RERE: variants seen among roughly 807,000 people sequenced by gnomAD.
The protein encoded by RERE is arginine-glutamic acid dipeptide repeats.
A neutral mutation model predicts 146.1 loss-of-function variants in RERE; 40 were observed. The observed-to-expected ratio is 0.27, with a 90% CI of 0.21 to 0.36. The LOEUF (loss-of-function observed/expected upper bound fraction) is 0.36, where lower values mean the gene tolerates loss of function less well. Among genes scored for constraint, RERE ranks in the 10% least tolerant of loss-of-function variants. The probability of loss-of-function intolerance (pLI) is 1.00; values close to 1 mark genes in which losing one functional copy is unlikely to be tolerated. For missense variants in RERE, 1,933 were observed against 2,138.7 expected (o/e 0.90, Z 1.90); for synonymous variants, 1,003 against 866.0 (o/e 1.16, Z -2.78).
chr1:8,738,619 A>T (rs1640246350), intron 1 of RERE, among the ~76,000 whole-genome samples: 1 of 152,144 alleles, frequency 6.6e-6, no homozygotes, highest in Non-Finnish European at 1.5e-5. Flanking sequence ...TGCCCAGCAG[A>T]CAACAGCACA....
chr1:8,788,059 C>T (rs1641290744), intron 1 of RERE, among the ~76,000 whole-genome samples: 1 of 151,954 alleles, frequency 6.6e-6, no homozygotes, highest in Admixed American at 6.6e-5. Context: ...GATGGTGCCA[C>T]TGCACTCCAG....
intron 1 of RERE, among the ~76,000 whole-genome samples, chr1:8,734,319 G>A (rs1356508502): frequency 6.6e-6 from 1 of 152,094 alleles, no homozygotes; most frequent in Non-Finnish European, 1.5e-5. Flanking sequence ...GATTTGGGGT[G>A]GGAGGAGAAG....
chr1:8,700,266 T>C lies in RERE; in HGVS notation c.-144-43825A>G, dbSNP rs541572325. On this transcript the variant is annotated intron_variant, in intron 1 of 22. Transcript: ENST00000400908. ...GCTGCAGTGAGCCGAGACCATGCCA[T>C]TGCACTCCAGCCTGGGTGACAGAGT... is the stretch of plus-strand genomic sequence containing the variant. Among the ~76,000 whole-genome samples the C allele has an allele frequency of 2.3e-4, 35 of 151,928 alleles. 1 individual carries two copies. Among genetic ancestry groups the C allele is most frequent in the African/African-American group, 8.0e-4 (33 of 41,402 alleles).
intron 4 of RERE, among the ~76,000 whole-genome samples, chr1:8,557,891 G>T (rs1646025949): frequency 6.6e-6 from 1 of 151,924 alleles, no homozygotes; most frequent in Non-Finnish European, 1.5e-5. Flanking sequence ...AATCATTTTG[G>T]TAAATATTTA....
At chr1:8,453,555 C>T (rs1644413757) in intron 11 of RERE, among the ~76,000 whole-genome samples, 1 of 152,190 alleles carries the variant, frequency 6.6e-6, no homozygotes, top group Non-Finnish European at 1.5e-5. Flanking sequence ...CCTGTAATCC[C>T]AGCACTCTAG....
At chr1:8,384,955 A>G (rs1338423504) in intron 12 of RERE, among the ~76,000 whole-genome samples, 1 of 152,182 alleles carries the variant, frequency 6.6e-6, no homozygotes, top group Non-Finnish European at 1.5e-5. Context: ...AATTGAACTC[A>G]AGGCAGCACC....
chr1:8,611,457 T>C (rs2124183423), intron 4 of RERE, among the ~76,000 whole-genome samples: 2 of 151,984 alleles, frequency 1.3e-5, no homozygotes, highest in South Asian at 4.2e-4. Context: ...TGAGCCGAGA[T>C]CATGCCACTG....
chr1:8,626,555 C>T (rs1216048336), intron 2 of RERE, among the ~76,000 whole-genome samples: 2 of 152,184 alleles, frequency 1.3e-5, no homozygotes, highest in Non-Finnish European at 2.9e-5. Flanking sequence ...CAAATGACAT[C>T]TCCAACCACA....
At chr1:8,808,703 G>A (rs1425293918) in intron 1 of RERE, among the ~76,000 whole-genome samples, 6 of 152,200 alleles carry the variant, frequency 3.9e-5, no homozygotes, top group East Asian at 3.9e-4. Context: ...GTTAGTTAAC[G>A]GTAGACAAAT....
Position 8,358,093 on chromosome 1 carries a change from G to C in RERE, c.4339+103C>G, listed in dbSNP as rs1361709229. 6 of 1,501,900 alleles carry C rather than the reference G, an allele frequency of 4.0e-6. No homozygotes were observed. In the East Asian group the frequency reaches 6.9e-5, roughly 17 times the overall value. The allele number at this position is 1,501,900 out of a possible 1,614,324, so 93.0% of individuals were successfully genotyped here. On this transcript the variant is annotated intron_variant, in intron 20 of 22. Transcript: ENST00000400908. ...AAGATCTGCCAGGGATGAGGGATCT[G>C]TTCAGAAAAGAACAGTTTCCGCTCC...
At chr1:8,563,877 T>C (rs1646107111) in intron 4 of RERE, among the ~76,000 whole-genome samples, 1 of 152,248 alleles carries the variant, frequency 6.6e-6, no homozygotes, top group African/African-American at 2.4e-5. Flanking sequence ...GGTTAAGAGT[T>C]GTCTGAACAT....
At chr1:8,613,703 GC>G (rs1433634979) in intron 4 of RERE, among the ~76,000 whole-genome samples, 1 of 152,120 alleles carries the variant, frequency 6.6e-6, no homozygotes, top group East Asian at 1.9e-4. Context: ...ATGAACTGGG[GC>G]ACCACAGTCA....
At chr1:8,378,693 T>C (rs1469671604) in intron 12 of RERE, among the ~76,000 whole-genome samples, 1 of 152,188 alleles carries the variant, frequency 6.6e-6, no homozygotes, top group East Asian at 1.9e-4. Context: ...CTTCCAGAAC[T>C]GTAAGAAAAT....
At chr1:8,472,779 C>T (rs574172997) in intron 10 of RERE, among the ~76,000 whole-genome samples, 7 of 151,984 alleles carry the variant, frequency 4.6e-5, no homozygotes, top group African/African-American at 7.2e-5. Context: ...GCTGCCCCCA[C>T]GCAACCACTA....
intron 11 of RERE, among the ~76,000 whole-genome samples, chr1:8,426,540 T>C (rs1247526182): frequency 6.6e-6 from 1 of 151,988 alleles, no homozygotes; most frequent in Non-Finnish European, 1.5e-5. Flanking sequence ...CTCTCTTTCC[T>C]AATAACTAGG....
At chr1:8,766,001 T>C (rs1413007750) in intron 1 of RERE, among the ~76,000 whole-genome samples, 2 of 151,352 alleles carry the variant, frequency 1.3e-5, no homozygotes, top group African/African-American at 2.4e-5. Flanking sequence ...TAATCCTAGC[T>C]ACTTGGGAGG....
At chr1:8,562,869 C>T (rs1050572414) in intron 4 of RERE, among the ~76,000 whole-genome samples, 1 of 152,110 alleles carries the variant, frequency 6.6e-6, no homozygotes. Flanking sequence ...TCCCCCAAAT[C>T]TGGGCTTAGA....
rs960850763 is a variant in RERE at position 8,493,712 on chromosome 1, T to TA, written c.1104+1350dup. The stretch of plus-strand genomic sequence containing the variant: ...TAACTATAGTGACCTCTCAAGAAAT[T>TA]AAAAAAAAAGAAAAAAGAAAAAGAA... On this transcript the variant is annotated intron_variant, in intron 10 of 22. Coordinates refer to ENST00000400908, the MANE Select transcript of RERE (RefSeq NM_001042681.2). 4.0e-5 allele frequency among the ~76,000 whole-genome samples: 6 copies of TA among 150,126 alleles called. No individual in the cohort carries two copies. In the East Asian group the frequency reaches 5.8e-4, roughly 15 times the overall value.
At chr1:8,579,767 G>C (rs1262618587) in intron 4 of RERE, among the ~76,000 whole-genome samples, 2 of 152,246 alleles carry the variant, frequency 1.3e-5, no homozygotes, top group Admixed American at 6.5e-5. Flanking sequence ...ACTCTGGGAG[G>C]CCAAGGCAGG....
Sources: allele counts gnomAD v4.1 joint callset (sites outside exome capture counted in the v4.1 genomes callset), GRCh38; gene constraint gnomAD v4.1.1; transcripts MANE v1.5; gene names NCBI Gene and HGNC (gene_info 2026-07-23, HGNC 2026-07-21).